Variants in XYLT2 observed in about 807,000 individuals in gnomAD.
XYLT2 encodes UDP-D-xylose:proteoglycan core protein beta-D-xylosyltransferase.
XYLT2 carries 37 observed loss-of-function variants against 82.6 expected under a neutral mutation model. The ratio of observed to expected loss-of-function variants is 0.45; its 90% CI spans 0.34 to 0.59. The LOEUF is 0.59. Ranked by LOEUF, XYLT2 falls within the 20% of genes least tolerant of loss-of-function variation. The probability of loss-of-function intolerance (pLI) is 0.01; values close to 1 mark genes in which losing one functional copy is unlikely to be tolerated. For synonymous variants in XYLT2, 474 were observed against 499.0 expected, an observed-to-expected ratio of 0.95 and a Z score of 0.67; for missense variants, 934 against 1,181.3, an observed-to-expected ratio of 0.79 and a Z score of 3.07.
chr17:50,351,738 G>A (rs117942116), intron 1 of XYLT2, among the ~76,000 whole-genome samples: 4,111 of 152,228 alleles, frequency 0.027, 105 homozygotes, highest in Middle Eastern at 0.054. Flanking sequence ...GGTTGGGGTC[G>A]AAGAGCAGGA....
rs572142698 is a variant in XYLT2 at position 50,360,926 on chromosome 17, C to A, written c.*635C>A. 22 of 985,758 alleles carry A rather than the reference C, an allele frequency of 2.2e-5. No homozygotes were observed. The Admixed American group carries it at 6.1e-4, about 28-fold the overall frequency. The allele number at this position is 985,758 out of a possible 1,614,324, so 61.1% of individuals were successfully genotyped here. ...AGGGGACCCTAGAAGTGGGGTGGGG[C>A]GGCTCCAGGGCTTTCCAGCATACCC... On this transcript the variant is annotated 3_prime_UTR_variant, in exon 11 of 11. Coordinates refer to ENST00000017003, the MANE Select transcript of XYLT2 (RefSeq NM_022167.4).
rs767755450 is a variant in XYLT2, at chr17:50,356,200, T to C, written c.1421T>C (p.Ile474Thr). The change falls in exon 7 of 11, where the codon ATT becomes ACT. Residue 474 changes from isoleucine (I) to threonine (T), a missense_variant. This residue lies in a region of XYLT2 where 189 missense variants were observed against 320.8 expected (regional missense o/e 0.59). Transcript: ENST00000017003. Reference protein sequence around the residue: ...KLGCKCQYKHIVDWCGCSPND... With the variant: ...KLGCKCQYKHTVDWCGCSPND... ...GGCTGCAAGTGCCAGTACAAGCACATTGTGGACTGGTGTGGCTGCTCCCCC... is the reference window on the plus strand; with the variant it reads ...GGCTGCAAGTGCCAGTACAAGCACACTGTGGACTGGTGTGGCTGCTCCCCC... 3.7e-6 allele frequency: 6 copies of C among 1,614,066 alleles called. No homozygotes were observed. In the Admixed American group the frequency reaches 6.7e-5, roughly 18 times the overall value.
In XYLT2 at chr17:50,346,772, G is replaced by A; in HGVS notation, c.135+497G>A. On this transcript the variant is annotated intron_variant, in intron 1 of 10. Transcript: ENST00000017003. This position sits in a 1 kb window ranked among gnomAD's most constrained non-coding sequence, Gnocchi z 5.1. Reference sequence around the variant, plus strand: ...GCCGGTGAGGAAGGGGAGCTCGGGGGTGGAATTCAGGCCTGGGACAAAGTG... The same window carrying A: ...GCCGGTGAGGAAGGGGAGCTCGGGGATGGAATTCAGGCCTGGGACAAAGTG... 3.0e-6 allele frequency: 3 copies of A among 985,418 alleles called. No homozygotes were observed. Among genetic ancestry groups the A allele is most frequent in the Non-Finnish European group, 3.6e-6 (3 of 829,912 alleles). 61.0% of individuals were successfully genotyped at this position (985,418 alleles called of 1,614,324 possible).
At position 50,360,578 on chromosome 17, in the gene XYLT2, T is replaced by TTTTTC; in HGVS notation, c.*291_*292insCTTTT. ...TTTGAATTTCTTTTTTTTCTTTTTTTTTTTTTTTTTTTAATTTAAAAAGGA... is the reference window on the plus strand; with the variant it reads ...TTTGAATTTCTTTTTTTTCTTTTTTTTTTTCTTTTTTTTTTTTAATTTAAAAAGGA... On this transcript the variant is annotated 3_prime_UTR_variant, in exon 11 of 11. Transcript: ENST00000017003. The TTTTTC allele has an allele frequency of 3.7e-6, 4 of 1,078,160 alleles. No homozygotes were observed. Among genetic ancestry groups the TTTTTC allele is most frequent in the South Asian group, 4.2e-5 (1 of 23,742 alleles). 66.8% of individuals were successfully genotyped at this position (1,078,160 alleles called of 1,614,324 possible).
rs1286412234 is a variant in XYLT2, at chr17:50,360,656, A to G, written c.*365A>G. 3.0e-6 allele frequency: 3 copies of G among 1,010,408 alleles called. No homozygotes were observed. The highest frequency in any genetic ancestry group is 4.8e-4 in the Middle Eastern group (1 of 2,078). The allele number at this position is 1,010,408 out of a possible 1,614,324, so 62.6% of individuals were successfully genotyped here. A position where few individuals can be genotyped will look rare whatever the true frequency, so the allele number is the denominator to read the frequency against. On this transcript the variant is annotated 3_prime_UTR_variant, in exon 11 of 11. Coordinates refer to ENST00000017003, the MANE Select transcript of XYLT2 (RefSeq NM_022167.4). ...ACAGAAGATGTGCAATAGGGCTCAG[A>G]GCAGCCCCAGGAAGTGGGCCATGTC...
intron 2 of XYLT2, 98 bp downstream of exon 2, chr17:50,354,220 G>A: frequency 6.4e-7 from 1 of 1,563,698 alleles, no homozygotes; most frequent in African/African-American, 1.4e-5. Context: ...AAAGAGCCAA[G>A]GGGATCCTAC....
chr17:50,347,548 G>C (rs1171456490), intron 1 of XYLT2, among the ~76,000 whole-genome samples: 1 of 152,122 alleles, frequency 6.6e-6, no homozygotes, highest in Non-Finnish European at 1.5e-5. Flanking sequence ...TTCAGGCCCA[G>C]TGTAAGAAGA....
rs758083977 is a variant in XYLT2 at position 50,357,245 on chromosome 17, G to A, written c.1934G>A (p.Ser645Asn). 1 of 1,589,598 alleles carries A rather than the reference G, an allele frequency of 6.3e-7. No homozygotes were observed. The highest frequency in any genetic ancestry group is 1.7e-5 in the Admixed American group (1 of 57,442). The part of the protein sequence containing the change: ...GRSDQASRLQ[S>N]LEVGTDWDPK... Reference sequence around the variant, plus strand: ...AGTGACCAGGCCAGCCGGCTCCAGAGTCTGGAGGTGGGACAGGTCCCCCAC... The same window carrying A: ...AGTGACCAGGCCAGCCGGCTCCAGAATCTGGAGGTGGGACAGGTCCCCCAC... The change falls in exon 9 of 11, where the codon AGT (serine) becomes AAT (asparagine). Residue 645 changes from serine to asparagine, a missense_variant. Physicochemically the swap from Ser to Asn is conservative, Grantham distance 46 (BLOSUM62 1). Transcript: ENST00000017003.
intron 1 of XYLT2, among the ~76,000 whole-genome samples, chr17:50,351,352 C>T (rs1304352601): frequency 1.3e-5 from 2 of 151,986 alleles, no homozygotes; most frequent in Non-Finnish European, 2.9e-5. Flanking sequence ...AAAGATGACT[C>T]CTGGCTGGGC....
At chr17:50,355,611 CCA>C in intron 5 of XYLT2, 30 bp downstream of exon 5, 1 of 1,613,238 alleles carries the variant, frequency 6.2e-7, no homozygotes, top group Non-Finnish European at 8.5e-7. Flanking sequence ...GGCCCTGGCC[CCA>C]GAGTCTTGTC....
chr17:50,354,720 G>A (rs567400325), intron 3 of XYLT2, 134 bp from the exon 4 acceptor site: 32 of 1,522,854 alleles, frequency 2.1e-5, no homozygotes, highest in Middle Eastern at 1.8e-4. Context: ...GTGGCAGCAC[G>A]AGCCAGCTCA....
At position 50,347,107 on chromosome 17, in the gene XYLT2, G is replaced by A. The variant is rs367815404; in HGVS notation, c.135+832G>A. Reference sequence around the variant, plus strand: ...CTTCCCCGATGTGGTTTCAGCGGGAGGCTCAGACACCTCAGCGGTGTGGTG... The same window carrying A: ...CTTCCCCGATGTGGTTTCAGCGGGAAGCTCAGACACCTCAGCGGTGTGGTG... On this transcript the variant is annotated intron_variant, in intron 1 of 10. Coordinates refer to ENST00000017003, the MANE Select transcript of XYLT2 (RefSeq NM_022167.4). Among the ~76,000 whole-genome samples the A allele has an allele frequency of 1.2e-4, 19 of 152,322 alleles. 1 individual carries two copies. In the South Asian group the frequency reaches 2.9e-3, roughly 23 times the overall value.
In XYLT2 at chr17:50,352,140, G is replaced by A. The variant is rs560093391; in HGVS notation, c.136-1490G>A. 1.3e-4 allele frequency among the ~76,000 whole-genome samples: 20 copies of A among 152,372 alleles called. 1 individual carries two copies. In the South Asian group the frequency reaches 4.1e-3, roughly 32 times the overall value. On this transcript the variant is annotated intron_variant, in intron 1 of 10. Transcript: ENST00000017003. ...TAGTCCTGGAGAACTTGTGAGCATG[G>A]AGGGGAAGGCCCGTGGGAGAGGGTT...
chr17:50,360,428 G>A lies in XYLT2; in HGVS notation c.*137G>A. ...CAGCCATCAAGAACCCACACAGACG[G>A]CAGGGAAGGTGGACACAGTATGAAC... On this transcript the variant is annotated 3_prime_UTR_variant, in exon 11 of 11. Transcript: ENST00000017003. 1 of 1,429,822 alleles carries A rather than the reference G, an allele frequency of 7.0e-7. No homozygotes were observed. The highest frequency in any genetic ancestry group is 1.4e-5 in the African/African-American group (1 of 69,700). The allele number at this position is 1,429,822 out of a possible 1,614,324, so 88.6% of individuals were successfully genotyped here.
rs1217745191 is a variant in XYLT2, at chr17:50,346,218, G to A, written c.78G>A (p.Leu26=). 2.3e-6 allele frequency: 3 copies of A among 1,284,234 alleles called. No homozygotes were observed. Among genetic ancestry groups the A allele is most frequent in the Admixed American group, 5.7e-5 (2 of 35,164 alleles). 79.6% of individuals were successfully genotyped at this position (1,284,234 alleles called of 1,614,324 possible). A position where few individuals can be genotyped will look rare whatever the true frequency, so the allele number is the denominator to read the frequency against. The change falls in exon 1 of 11, where the codon CTG becomes CTA. Residue 26 remains leucine (L), a synonymous_variant. Coordinates refer to ENST00000017003, the MANE Select transcript of XYLT2 (RefSeq NM_022167.4). The surrounding 1 kb of genome is among the most constrained non-coding windows in gnomAD (Gnocchi z 5.1). ...LAIATALAIL[L]LQGLVVWSFS... ...TTGCCACGGCGCTGGCCATCCTGCT[G>A]CTGCAGGGCCTGGTAGTGTGGAGCT... is the stretch of plus-strand genomic sequence containing the variant.
intron 10 of XYLT2, chr17:50,358,896 C>T (rs895510964): frequency 4.9e-6 from 1 of 205,568 alleles, no homozygotes; most frequent in African/African-American, 2.3e-5. Flanking sequence ...ATCCACTCAA[C>T]CTAGCTTGAG....
intron 1 of XYLT2, among the ~76,000 whole-genome samples, chr17:50,350,830 A>G (rs923549890): frequency 6.6e-6 from 1 of 152,182 alleles, no homozygotes; most frequent in Non-Finnish European, 1.5e-5. Context: ...CCATCTGAAC[A>G]AAGAATTGAA....
chr17:50,355,131 G>T, intron 4 of XYLT2, 75 bp downstream of exon 4: 32 of 1,447,128 alleles, frequency 2.2e-5, no homozygotes, highest in Non-Finnish European at 3.0e-5. Flanking sequence ...GAGGGCTTTG[G>T]TGGACCTTCT....
chr17:50,347,020 G>A (rs1442589644), intron 1 of XYLT2: 149 of 823,348 alleles, frequency 1.8e-4, no homozygotes, highest in Non-Finnish European at 2.1e-4. Flanking sequence ...CCCAGCCGCA[G>A]AGCAGGGGCA....
Sources: allele counts gnomAD v4.1 joint callset (sites outside exome capture counted in the v4.1 genomes callset), GRCh38; gene constraint gnomAD v4.1.1; regional missense constraint gnomAD v4.1.1; non-coding constraint Gnocchi (gnomAD v3.1); transcripts MANE v1.5; gene names NCBI Gene and HGNC (gene_info 2026-07-23, HGNC 2026-07-21).